LSM11: variants seen among roughly 807,000 people sequenced by gnomAD.
The protein encoded by LSM11 is LSM11, U7 small nuclear RNA associated, also known as U7 snRNA-associated Sm-like protein LSm11.
Under a neutral mutation model 28.1 loss-of-function variants are expected in LSM11, and 14 were observed. The ratio of observed to expected loss-of-function variants is 0.50; its 90% CI spans 0.33 to 0.78. The LOEUF (loss-of-function observed/expected upper bound fraction) is 0.78. Among genes scored for constraint, LSM11 ranks in the 30% least tolerant of loss-of-function variants. The pLI is 0.02. For synonymous variants in LSM11, 207 were observed against 214.2 expected (o/e 0.97, Z 0.30); for missense variants, 495 against 510.6 (o/e 0.97, Z 0.30).
chr5:157,750,777 G>A (rs1761218094), intron 1 of LSM11, among the ~76,000 whole-genome samples: 1 of 152,128 alleles, frequency 6.6e-6, no homozygotes, highest in Non-Finnish European at 1.5e-5. Flanking sequence ...ATGTTTGCGT[G>A]CCCGTGTGTG....
intron 1 of LSM11, among the ~76,000 whole-genome samples, chr5:157,750,068 A>G (rs1223381720): frequency 6.6e-6 from 1 of 152,170 alleles, no homozygotes; most frequent in African/African-American, 2.4e-5. Context: ...AACTTGGGAA[A>G]GAGTGAGACT....
rs199860496 is a variant in LSM11 at position 157,743,767 on chromosome 5, G to T, written c.17G>T (p.Arg6Leu). Residue 6 changes from arginine (R) to leucine (L), a missense_variant, in exon 1 of 4, where the codon CGG becomes CTG. Physicochemically the swap from Arg to Leu is moderately radical, Grantham distance 102 (BLOSUM62 -2). Coordinates refer to ENST00000286307, the MANE Select transcript of LSM11 (RefSeq NM_173491.4). ...CTTTCAAACATGGAGGAGCGGGAGC[G>T]GGGGGCGAGGTCGGCTGGCGCCGGG... MEERERGARSAGAGSP... is the reference protein window; with the variant it reads MEERELGARSAGAGSP... The T allele has an allele frequency of 2.1e-3, 2,999 of 1,405,064 alleles. 60 individuals are homozygous for T. In the African/African-American group the frequency reaches 0.04, roughly 19 times the overall value. 87.0% of individuals were successfully genotyped at this position (1,405,064 alleles called of 1,614,324 possible). A position where few individuals can be genotyped will look rare whatever the true frequency, so the allele number is the denominator to read the frequency against.
At chr5:157,745,214 A>G (rs1221296926) in intron 1 of LSM11, among the ~76,000 whole-genome samples, 1 of 152,246 alleles carries the variant, frequency 6.6e-6, no homozygotes, top group African/African-American at 2.4e-5. Context: ...AGCCATTCAA[A>G]GCATCTGTAT....
intron 1 of LSM11, among the ~76,000 whole-genome samples, chr5:157,750,152 G>A (rs1415778806): frequency 6.6e-6 from 1 of 152,206 alleles, no homozygotes; most frequent in Non-Finnish European, 1.5e-5. Context: ...TCAGTGGGTT[G>A]AGCTAGGGGG....
At chr5:157,748,680 T>C (rs1761180631) in intron 1 of LSM11, among the ~76,000 whole-genome samples, 1 of 152,144 alleles carries the variant, frequency 6.6e-6, no homozygotes, top group Non-Finnish European at 1.5e-5. Context: ...AATATTTCTT[T>C]CTAAGGAAAA....
At chr5:157,749,188 G>C (rs911332207) in intron 1 of LSM11, among the ~76,000 whole-genome samples, 1 of 152,240 alleles carries the variant, frequency 6.6e-6, no homozygotes, top group Non-Finnish European at 1.5e-5. Flanking sequence ...ATTAGAGTAA[G>C]AGACTGTTGC....
Position 157,743,945 on chromosome 5 carries a change from C to T in LSM11, c.195C>T (p.Thr65=), listed in dbSNP as rs1761102968. 3 of 1,395,740 alleles carry T rather than the reference C, an allele frequency of 2.1e-6. No individual in the cohort carries two copies. Among genetic ancestry groups the T allele is most frequent in the East Asian group, 2.8e-5 (1 of 35,680 alleles). The allele number at this position is 1,395,740 out of a possible 1,614,324, so 86.5% of individuals were successfully genotyped here. Residue 65 remains threonine, a synonymous_variant, in exon 1 of 4, where the codon ACC becomes ACT. Coordinates refer to ENST00000286307, the MANE Select transcript of LSM11 (RefSeq NM_173491.4). ...NVAEYESFLR[T]GVRGGGRGRG... The stretch of plus-strand genomic sequence containing the variant: ...CGGAGTACGAGAGCTTCCTCAGGAC[C>T]GGAGTCCGGGGCGGCGGGCGCGGGC...
At chr5:157,750,551 G>A in intron 1 of LSM11, among the ~76,000 whole-genome samples, 1 of 152,210 alleles carries the variant, frequency 6.6e-6, no homozygotes, top group East Asian at 1.9e-4. Context: ...AAACACCAGT[G>A]AGTCCAGAAA....
intron 1 of LSM11, among the ~76,000 whole-genome samples, chr5:157,747,174 C>G (rs991634526): frequency 3.9e-5 from 6 of 152,170 alleles, no homozygotes; most frequent in African/African-American, 1.4e-4. Context: ...CTATATTTCT[C>G]CTTAGTATCG....
chr5:157,744,712 G>A (rs1175280341), intron 1 of LSM11, among the ~76,000 whole-genome samples: 1 of 152,028 alleles, frequency 6.6e-6, no homozygotes, highest in Non-Finnish European at 1.5e-5. Flanking sequence ...GGGAAGGAGA[G>A]TATTTGGTCA....
rs1761331854 is a variant in LSM11 at position 157,756,582 on chromosome 5, C to T, written c.*1318C>T. 1 of 152,402 alleles carries T rather than the reference C, an allele frequency of 6.6e-6. No homozygotes were observed. The highest frequency in any genetic ancestry group is 2.1e-4 in the South Asian group (1 of 4,826). 9.4% of individuals were successfully genotyped at this position (152,402 alleles called of 1,614,324 possible). On this transcript the variant is annotated 3_prime_UTR_variant, in exon 4 of 4. Coordinates refer to ENST00000286307, the MANE Select transcript of LSM11 (RefSeq NM_173491.4). ...GTATTTGTTGTGTAACATAAATAAGCCTTCTGAGAAGCAGGGTGAATAAAG... is the reference window on the plus strand; with the variant it reads ...GTATTTGTTGTGTAACATAAATAAGTCTTCTGAGAAGCAGGGTGAATAAAG...
Position 157,759,716 on chromosome 5 carries a change from T to G in LSM11, c.*4452T>G, listed in dbSNP as rs376718610. The stretch of plus-strand genomic sequence containing the variant: ...ACTTATGTTCACCAGTCTGTGCTTT[T>G]CTTCTCCCAGAAGGCTTTTCTTAGT... On this transcript the variant is annotated 3_prime_UTR_variant, in exon 4 of 4. Transcript: ENST00000286307. 42 of 152,366 alleles carry G rather than the reference T, an allele frequency of 2.8e-4. No homozygotes were observed. The highest frequency in any genetic ancestry group is 1.0e-3 in the African/African-American group (42 of 41,586). The allele number at this position is 152,366 out of a possible 1,614,324, so 9.4% of individuals were successfully genotyped here.
Position 157,759,464 on chromosome 5 carries a change from A to T in LSM11, c.*4200A>T, listed in dbSNP as rs1163208622. 6.6e-6 allele frequency: 1 copy of T among 152,212 alleles called. No homozygotes were observed. Among genetic ancestry groups the T allele is most frequent in the Non-Finnish European group, 1.5e-5 (1 of 68,026 alleles). The allele number at this position is 152,212 out of a possible 1,614,324, so 9.4% of individuals were successfully genotyped here. On this transcript the variant is annotated 3_prime_UTR_variant, in exon 4 of 4. Transcript: ENST00000286307. ...AAATTGCTTCTTTAAGTTTTCTCTA[A>T]ATTTTGCCTCTAGGAAAAAATTAAA...
chr5:157,749,150 T>G (rs981950058), intron 1 of LSM11, among the ~76,000 whole-genome samples: 8 of 152,188 alleles, frequency 5.3e-5, no homozygotes, highest in Non-Finnish European at 8.8e-5. Flanking sequence ...AAAGACCAAT[T>G]GAAAGACCTG....
In LSM11 at chr5:157,755,296, TA is replaced by T. The variant is rs1435767004; in HGVS notation, c.*35del. 1 of 1,595,322 alleles carries T rather than the reference TA, an allele frequency of 6.3e-7. No homozygotes were observed. The highest frequency in any genetic ancestry group is 1.3e-5 in the African/African-American group (1 of 74,636). ...CAGCCTGAGCTTTGGTTTTTAGAAATAAAGTGCATGAATTGCTGCTATGCTG... is the reference window on the plus strand; with the variant it reads ...CAGCCTGAGCTTTGGTTTTTAGAAATAAGTGCATGAATTGCTGCTATGCTG... On this transcript the variant is annotated 3_prime_UTR_variant, in exon 4 of 4. Transcript: ENST00000286307.
chr5:157,749,005 G>A (rs1206933165), intron 1 of LSM11, among the ~76,000 whole-genome samples: 2 of 152,156 alleles, frequency 1.3e-5, no homozygotes, highest in Non-Finnish European at 2.9e-5. Context: ...GCTCATTTTT[G>A]CCTTGGCGGT....
At position 157,751,378 on chromosome 5, in the gene LSM11, C is replaced by T. The variant is rs770198620; in HGVS notation, c.449-12C>T. The T allele has an allele frequency of 6.3e-7, 1 of 1,575,148 alleles. No individual in the cohort carries two copies. The highest frequency in any genetic ancestry group is 1.2e-5 in the South Asian group (1 of 85,264). On this transcript the variant is annotated splice_polypyrimidine_tract_variant and intron_variant, in intron 1 of 3. Coordinates refer to ENST00000286307, the MANE Select transcript of LSM11 (RefSeq NM_173491.4). ...TATTAAAACTGTCCTGACTGTTCTTCTCTTGTTTCAGTGCACGAAGGCAGC... is the reference window on the plus strand; with the variant it reads ...TATTAAAACTGTCCTGACTGTTCTTTTCTTGTTTCAGTGCACGAAGGCAGC...
At chr5:157,754,167 A>C in intron 3 of LSM11, 80 bp downstream of exon 3, 1 of 930,790 alleles carries the variant, frequency 1.1e-6, no homozygotes, top group Non-Finnish European at 1.6e-6. Context: ...CCCAGTGACT[A>C]GGATTTCCTA....
At chr5:157,746,271 A>G (rs1761146460) in intron 1 of LSM11, among the ~76,000 whole-genome samples, 1 of 152,268 alleles carries the variant, frequency 6.6e-6, no homozygotes, top group Non-Finnish European at 1.5e-5. Flanking sequence ...TGCATTTGAG[A>G]ATGCATAATC....
Sources: allele counts gnomAD v4.1 joint callset (sites outside exome capture counted in the v4.1 genomes callset), GRCh38; gene constraint gnomAD v4.1.1; transcripts MANE v1.5; gene names NCBI Gene and HGNC (gene_info 2026-07-23, HGNC 2026-07-21).